RTF2: variants seen among roughly 807,000 people sequenced by gnomAD.
RTF2 encodes UPF0549 protein C20orf43.
RTF2 carries 18 observed loss-of-function variants against 38.0 expected under a neutral mutation model. The observed-to-expected ratio is 0.47, with a 90% CI of 0.33 to 0.70. RTF2 has a LOEUF of 0.70. RTF2 is among the 30% of genes least tolerant of loss of function. RTF2 has a pLI of 0.02. For missense variants in RTF2, 311 were observed against 379.6 expected (o/e 0.82, Z 1.50); for synonymous variants, 126 against 137.1 (o/e 0.92, Z 0.57).
chr20:56,516,248 G>C (rs1236435545), intron 6 of RTF2: 1 of 152,202 alleles, frequency 6.6e-6, no homozygotes, highest in African/African-American at 2.4e-5. Flanking sequence ...ACATTTTAAA[G>C]TAAATTAAAT....
At chr20:56,472,880 T>C (rs1982044185) in intron 1 of RTF2, among the ~76,000 whole-genome samples, 1 of 152,184 alleles carries the variant, frequency 6.6e-6, no homozygotes, top group Admixed American at 6.5e-5. Context: ...TTGCTCATGC[T>C]TTCAATACCA....
At chr20:56,500,909 G>A (rs536079116) in intron 5 of RTF2, among the ~76,000 whole-genome samples, 1 of 152,186 alleles carries the variant, frequency 6.6e-6, no homozygotes, top group African/African-American at 2.4e-5. Context: ...AGCCTCCCCA[G>A]CAGCTGGGAC....
At chr20:56,518,040 A>G in intron 8 of RTF2, 47 bp from the exon 9 acceptor site, 9 of 1,557,174 alleles carry the variant, frequency 5.8e-6, no homozygotes, top group Non-Finnish European at 7.8e-6. Flanking sequence ...GAAGTTTAGA[A>G]TCATCTTTAT....
At chr20:56,470,852 C>G (rs753829824) in intron 1 of RTF2, 1 of 328,936 alleles carries the variant, frequency 3.0e-6, no homozygotes, top group Non-Finnish European at 6.2e-6. Context: ...TCCATGAGGA[C>G]AGCCCTGCAC....
intron 6 of RTF2, chr20:56,516,234 A>G (rs934180323): frequency 6.6e-6 from 1 of 152,258 alleles, no homozygotes; most frequent in African/African-American, 2.4e-5. Flanking sequence ...TGCTTAGGAA[A>G]TTGACATTTT....
rs534639895 is a variant in RTF2 at position 56,493,046 on chromosome 20, C to T, written c.477+8857C>T. Among the ~76,000 whole-genome samples, 15 of 151,992 alleles carry T rather than the reference C, an allele frequency of 9.9e-5. No individual in the cohort carries two copies. In the South Asian group the frequency reaches 2.1e-3, roughly 21 times the overall value. On this transcript the variant is annotated intron_variant, in intron 5 of 8. Transcript: ENST00000357348. ...CAAAAATTAGCTGGGTGTGGTGGTG[C>T]GTGCCTGTAATCCCAGCCACTCAGG...
chr20:56,507,172 ATAT>A, intron 5 of RTF2, among the ~76,000 whole-genome samples: 1 of 152,176 alleles, frequency 6.6e-6, no homozygotes, highest in Non-Finnish European at 1.5e-5. Flanking sequence ...GGTATAATAC[ATAT>A]TATTTACTAA....
intron 3 of RTF2, among the ~76,000 whole-genome samples, 189 bp from the exon 4 acceptor site, chr20:56,476,796 G>A (rs1600795678): frequency 6.6e-6 from 1 of 152,146 alleles, no homozygotes; most frequent in Non-Finnish European, 1.5e-5. Context: ...ACCACACCCG[G>A]CCTTGTTTTC....
chr20:56,491,419 G>C, intron 5 of RTF2: 1 of 659,396 alleles, frequency 1.5e-6, no homozygotes, highest in Non-Finnish European at 2.6e-6. Flanking sequence ...CAATAGTAAA[G>C]TCTTGTCAAT....
chr20:56,518,860 A>T lies in RTF2; in HGVS notation c.*595A>T, dbSNP rs1173688506. On this transcript the variant is annotated 3_prime_UTR_variant, in exon 9 of 9. Coordinates refer to ENST00000357348, the MANE Select transcript of RTF2 (RefSeq NM_016407.5). The stretch of plus-strand genomic sequence containing the variant: ...TTGGGCACCCAGTGATTGGGTTCAA[A>T]AATAAAGCTGGTCTGCCTCTTCTCT... 1 of 152,198 alleles carries T rather than the reference A, an allele frequency of 6.6e-6. No homozygotes were observed. The highest frequency in any genetic ancestry group is 1.5e-5 in the Non-Finnish European group (1 of 68,074). The allele number at this position is 152,198 out of a possible 1,614,324, so 9.4% of individuals were successfully genotyped here.
intron 5 of RTF2, chr20:56,497,285 A>G: frequency 6.4e-7 from 1 of 1,551,424 alleles, no homozygotes; most frequent in Non-Finnish European, 8.7e-7. Flanking sequence ...CCAAAGAGAA[A>G]TCGCCCTCTT....
At chr20:56,487,239 C>G (rs2146330892) in intron 5 of RTF2, among the ~76,000 whole-genome samples, 1 of 152,288 alleles carries the variant, frequency 6.6e-6, no homozygotes, top group South Asian at 2.1e-4. Context: ...GAAGCTGATT[C>G]TGTTGCATGG....
chr20:56,476,685 G>A (rs773526983), intron 3 of RTF2, among the ~76,000 whole-genome samples: 33 of 152,036 alleles, frequency 2.2e-4, no homozygotes, highest in Non-Finnish European at 3.8e-4. Context: ...TTTTAGTAGA[G>A]ACGGGGTTTC....
intron 5 of RTF2, among the ~76,000 whole-genome samples, chr20:56,485,448 A>G (rs1161750724): frequency 1.3e-5 from 2 of 152,182 alleles, no homozygotes; most frequent in Non-Finnish European, 2.9e-5. Context: ...TATGGATGTT[A>G]TTCGAAGAGC....
chr20:56,497,439 A>C, intron 5 of RTF2: 1 of 1,538,952 alleles, frequency 6.5e-7, no homozygotes, highest in Non-Finnish European at 8.8e-7. Context: ...TTTCCCTTCA[A>C]ATAAAGCGGA....
chr20:56,518,297 G>C lies in RTF2; in HGVS notation c.*32G>C. On this transcript the variant is annotated 3_prime_UTR_variant, in exon 9 of 9. Transcript: ENST00000357348. Reference sequence around the variant, plus strand: ...CACTGCCACCGCTCCTGCCCCAGAAGGTTGTTTAGTTTCCACGTAGGCAGG... The same window carrying C: ...CACTGCCACCGCTCCTGCCCCAGAACGTTGTTTAGTTTCCACGTAGGCAGG... The C allele has an allele frequency of 6.3e-7, 1 of 1,593,436 alleles. No individual in the cohort carries two copies. Among genetic ancestry groups the C allele is most frequent in the Non-Finnish European group, 8.5e-7 (1 of 1,171,176 alleles).
chr20:56,489,858 A>G (rs2146334243), intron 5 of RTF2, among the ~76,000 whole-genome samples: 1 of 152,366 alleles, frequency 6.6e-6, no homozygotes, highest in East Asian at 1.9e-4. Flanking sequence ...ATCGTGGCTA[A>G]TCTGAGCTTT....
chr20:56,471,633 AAAAGAAGAAAGACCCTAGG>A (rs1404884199), intron 1 of RTF2: 1 of 152,200 alleles, frequency 6.6e-6, no homozygotes, highest in African/African-American at 2.4e-5. Flanking sequence ...GTAAAAACTT[AAAAGAAGAAAGACCCTAGG>A]AAAGAAGAGA....
At chr20:56,514,563 G>T (rs972260182) in intron 6 of RTF2, among the ~76,000 whole-genome samples, 1 of 152,104 alleles carries the variant, frequency 6.6e-6, no homozygotes, top group Non-Finnish European at 1.5e-5. Flanking sequence ...TTTTTCAGAG[G>T]TTTGGGGTTT....
Sources: gnomAD v4.1 joint callset for allele counts (sites outside exome capture counted in the v4.1 genomes callset) on GRCh38, gnomAD v4.1.1 for gene constraint, MANE v1.5 for transcripts, NCBI Gene and HGNC (gene_info 2026-07-23, HGNC 2026-07-21) for gene names.